ZDHHC7: variants seen among roughly 807,000 people sequenced by gnomAD.
ZDHHC7 encodes zDHHC palmitoyltransferase 7, also known as palmitoyltransferase ZDHHC7.
Under a neutral mutation model 34.1 loss-of-function variants are expected in ZDHHC7, and 12 were observed. The observed-to-expected ratio is 0.35, with a 90% confidence interval of 0.23 to 0.57. The LOEUF (loss-of-function observed/expected upper bound fraction) is 0.57, where lower values mean the gene tolerates loss of function less well. ZDHHC7 is among the 20% of genes least tolerant of loss of function. The probability of loss-of-function intolerance (pLI) is 0.84; values close to 1 mark genes in which losing one functional copy is unlikely to be tolerated. For missense variants in ZDHHC7, 388 were observed against 402.7 expected, an observed-to-expected ratio of 0.96 and a Z score of 0.31; for synonymous variants, 185 against 155.4, an observed-to-expected ratio of 1.19 and a Z score of -1.42.
intron 1 of ZDHHC7, among the ~76,000 whole-genome samples, chr16:85,000,629 C>G (rs1173068927): frequency 6.6e-6 from 1 of 152,088 alleles, no homozygotes; most frequent in African/African-American, 2.4e-5. Flanking sequence ...CACTTCAGCC[C>G]CATAAAAAAC....
chr16:84,982,540 G>A (rs1217075618), intron 3 of ZDHHC7, among the ~76,000 whole-genome samples: 2 of 152,204 alleles, frequency 1.3e-5, no homozygotes, highest in Admixed American at 1.3e-4. Context: ...CTGCTGACAG[G>A]GAGGTGACTG....
chr16:84,995,482 C>T lies in ZDHHC7; in HGVS notation c.-18+440G>A, dbSNP rs531646693. On this transcript the variant is annotated intron_variant, in intron 2 of 7. Transcript: ENST00000313732. ...CTCTACCAAAAATATAAAAATTAGC[C>T]GGGCATGATGGCGGGTGCCTGTAAT... Among the ~76,000 whole-genome samples the T allele has an allele frequency of 5.9e-5, 9 of 152,238 alleles. No homozygotes were observed. In the South Asian group the frequency reaches 6.2e-4, roughly 11 times the overall value.
chr16:85,016,960 GA>G, the ZDHHC7 span, among the ~76,000 whole-genome samples: 2 of 150,102 alleles, frequency 1.3e-5, no homozygotes, highest in Admixed American at 6.6e-5. Context: ...TTTTTTTTGA[GA>G]TGGAGTTTTC....
At chr16:85,017,634 C>T in the ZDHHC7 span, among the ~76,000 whole-genome samples, 3 of 152,108 alleles carry the variant, frequency 2.0e-5, no homozygotes, top group Non-Finnish European at 2.9e-5. Flanking sequence ...CACATACATG[C>T]GACACCCAAC....
intron 1 of ZDHHC7, among the ~76,000 whole-genome samples, chr16:84,998,556 T>C (rs1015261615): frequency 1.3e-5 from 2 of 152,074 alleles, no homozygotes; most frequent in East Asian, 1.9e-4. Flanking sequence ...TAACCCGAGA[T>C]GGCTCGCTGT....
At chr16:85,018,205 C>T in the ZDHHC7 span, among the ~76,000 whole-genome samples, 1 of 152,042 alleles carries the variant, frequency 6.6e-6, no homozygotes, top group Non-Finnish European at 1.5e-5. Context: ...TGTGGCCACC[C>T]TGGATTATTC....
the ZDHHC7 span, among the ~76,000 whole-genome samples, chr16:85,026,347 T>C: frequency 1.3e-5 from 2 of 152,114 alleles, no homozygotes; most frequent in Non-Finnish European, 2.9e-5. Flanking sequence ...CACTCGCCTG[T>C]AGCAACCACG....
At chr16:84,989,502 C>T (rs1597544143) in intron 3 of ZDHHC7, among the ~76,000 whole-genome samples, 1 of 151,978 alleles carries the variant, frequency 6.6e-6, no homozygotes, top group African/African-American at 2.4e-5. Flanking sequence ...TCAAGACCAG[C>T]CTGATCAACA....
At chr16:85,005,712 A>G (rs907295487) in intron 1 of ZDHHC7, among the ~76,000 whole-genome samples, 17 of 152,262 alleles carry the variant, frequency 1.1e-4, no homozygotes, top group African/African-American at 4.1e-4. Context: ...CTGGTCTCCA[A>G]TGAGACTGGA....
upstream of ZDHHC7, among the ~76,000 whole-genome samples, chr16:85,015,525 G>T (rs941320027): frequency 5.3e-5 from 8 of 152,280 alleles, no homozygotes; most frequent in African/African-American, 1.9e-4. Context: ...ACAGGAGACA[G>T]CTTTGCAGGG....
At chr16:85,017,978 T>A in the ZDHHC7 span, among the ~76,000 whole-genome samples, 1 of 152,156 alleles carries the variant, frequency 6.6e-6, no homozygotes. Context: ...CATTTTTACA[T>A]CAAACCTGGG....
chr16:85,024,850 G>A, the ZDHHC7 span, among the ~76,000 whole-genome samples: 1 of 152,218 alleles, frequency 6.6e-6, no homozygotes, highest in African/African-American at 2.4e-5. Context: ...GAACACACAG[G>A]TGCATCAGTC....
chr16:85,027,448 C>G, the ZDHHC7 span, among the ~76,000 whole-genome samples: 7 of 152,300 alleles, frequency 4.6e-5, no homozygotes, highest in African/African-American at 1.7e-4. Context: ...TCCTAGCTCC[C>G]TGATGGCGCT....
At chr16:84,981,828 C>G (rs2072372744) in intron 4 of ZDHHC7, 42 bp downstream of exon 4, 1 of 1,612,886 alleles carries the variant, frequency 6.2e-7, no homozygotes. Flanking sequence ...CACGTACCCG[C>G]AGTGGCGGAT....
At chr16:84,977,324 G>A (rs1378588013) in intron 6 of ZDHHC7, 99 bp from the exon 7 acceptor site, 1 of 1,447,522 alleles carries the variant, frequency 6.9e-7, no homozygotes, top group Non-Finnish European at 9.4e-7. Context: ...CCCCTGGCCA[G>A]CTTCCAGGGG....
chr16:85,022,350 A>G, the ZDHHC7 span, among the ~76,000 whole-genome samples: 84,012 of 151,662 alleles, frequency 0.55, 25,322 homozygotes, highest in African/African-American at 0.79. Flanking sequence ...GTGAAACCCT[A>G]ACTCTACTAA....
upstream of ZDHHC7, among the ~76,000 whole-genome samples, chr16:85,016,073 T>C (rs181332897): frequency 1.1e-4 from 17 of 152,302 alleles, no homozygotes; most frequent in Admixed American, 9.2e-4. Context: ...AACCACGTCA[T>C]GGCCTAAACT....
chr16:84,979,304 T>G lies in ZDHHC7; in HGVS notation c.441-19A>C, dbSNP rs1467954710. On this transcript the variant is annotated intron_variant, in intron 4 of 7. Coordinates refer to ENST00000313732, the MANE Select transcript of ZDHHC7 (RefSeq NM_017740.3). ...GCAAATACTGAAAAGGAGAGTTTGATTTTTCAGTATTCCATGCTCTGAGGA... is the reference window on the plus strand; with the variant it reads ...GCAAATACTGAAAAGGAGAGTTTGAGTTTTCAGTATTCCATGCTCTGAGGA... 6.2e-7 allele frequency: 1 copy of G among 1,606,224 alleles called. No individual in the cohort carries two copies.
chr16:84,977,038 T>C (rs536652910), intron 7 of ZDHHC7, 57 bp downstream of exon 7: 54 of 1,602,066 alleles, frequency 3.4e-5, no homozygotes, highest in Non-Finnish European at 4.3e-5. Context: ...TTAGGACTTT[T>C]CATTTACTCA....
Sources: allele counts gnomAD v4.1 joint callset (sites outside exome capture counted in the v4.1 genomes callset), GRCh38; gene constraint gnomAD v4.1.1; transcripts MANE v1.5; gene names NCBI Gene and HGNC (gene_info 2026-07-23, HGNC 2026-07-21).